TBC1D1: variants seen among roughly 807,000 people sequenced by gnomAD.
TBC1D1 encodes the protein TBC1 domain family member 1, also known as TBC1 (tre-2/USP6, BUB2, cdc16) domain family, member 1.
Under a neutral mutation model 125.6 loss-of-function variants are expected in TBC1D1, and 89 were observed. The ratio of observed to expected loss-of-function variants is 0.71; its 90% CI spans 0.60 to 0.85. TBC1D1 has a LOEUF of 0.85. TBC1D1 is among the 40% of genes least tolerant of loss of function. TBC1D1 has a pLI of 0.00. For missense variants in TBC1D1, 1,377 were observed against 1,469.2 expected, an observed-to-expected ratio of 0.94 and a Z score of 1.03; for synonymous variants, 565 against 564.1, an observed-to-expected ratio of 1.00 and a Z score of -0.02.
intron 2 of TBC1D1, chr4:37,996,114 G>A: frequency 1.0e-5 from 5 of 496,964 alleles, no homozygotes; most frequent in Non-Finnish European, 1.6e-5. Context: ...ATCTGTAGAG[G>A]AATTCCTTGG....
chr4:37,988,722 T>A (rs1052825478), intron 2 of TBC1D1, among the ~76,000 whole-genome samples: 12 of 152,150 alleles, frequency 7.9e-5, no homozygotes, highest in Admixed American at 7.9e-4. Context: ...CACCTGGCAC[T>A]CATTCAAATG....
chr4:38,065,558 A>G (rs1753569350), intron 12 of TBC1D1, among the ~76,000 whole-genome samples: 1 of 152,182 alleles, frequency 6.6e-6, no homozygotes, highest in South Asian at 2.1e-4. Context: ...TATTAATAAT[A>G]GCCATTGTAA....
chr4:38,031,124 G>A (rs755437063), intron 7 of TBC1D1, among the ~76,000 whole-genome samples: 2 of 152,200 alleles, frequency 1.3e-5, no homozygotes, highest in Admixed American at 1.3e-4. Flanking sequence ...GTTACTGGGT[G>A]AATATACTAA....
chr4:38,047,659 A>T (rs925939647), intron 10 of TBC1D1, among the ~76,000 whole-genome samples: 1 of 152,088 alleles, frequency 6.6e-6, no homozygotes, highest in Admixed American at 6.5e-5. Context: ...CATCAAGCAG[A>T]GTGTGGTAGG....
chr4:37,954,390 TAA>T (rs60350507), intron 2 of TBC1D1, among the ~76,000 whole-genome samples: 14,934 of 147,872 alleles, frequency 0.1, 825 homozygotes, highest in African/African-American at 0.14. Context: ...ATTCATTCAG[TAA>T]AAAAAAAAAA....
intron 2 of TBC1D1, among the ~76,000 whole-genome samples, chr4:37,903,766 T>C (rs892314858): frequency 2.6e-5 from 4 of 152,128 alleles, no homozygotes; most frequent in Non-Finnish European, 5.9e-5. Flanking sequence ...TAGCAGAGGC[T>C]TGTAGGAAGG....
At chr4:37,973,873 T>C (rs1732531586) in intron 2 of TBC1D1, among the ~76,000 whole-genome samples, 1 of 152,234 alleles carries the variant, frequency 6.6e-6, no homozygotes, top group South Asian at 2.1e-4. Context: ...ACCAGTCACC[T>C]GGAATTTTGG....
At position 38,049,737 on chromosome 4, in the gene TBC1D1, G is replaced by A. The variant is rs371632898; in HGVS notation, c.1749G>A (p.Pro583=). Reference sequence around the variant, plus strand: ...GTCATCTCCCAGAAGAGCCAGCTCCGCTGTCGCCCCAGCAGGCCTTCAGGA... The same window carrying A: ...GTCATCTCCCAGAAGAGCCAGCTCCACTGTCGCCCCAGCAGGCCTTCAGGA... The change falls in exon 11 of 20, where the codon CCG becomes CCA. Residue 583 remains proline, a synonymous_variant. Transcript: ENST00000261439. 7.9e-5 allele frequency: 128 copies of A among 1,614,120 alleles called. No homozygotes were observed. The East Asian group carries it at 8.2e-4, about 10-fold the overall frequency.
At position 37,960,705 on chromosome 4, in the gene TBC1D1, A is replaced by G. The variant is rs1729836414; in HGVS notation, c.418-53804A>G. On this transcript the variant is annotated intron_variant, in intron 2 of 19. Transcript: ENST00000261439. The stretch of plus-strand genomic sequence containing the variant: ...ACAAAAACAGCCAAGCTTTTCTGCC[A>G]AAAAGATGACCGAGAAGACTGTTAA... The G allele has an allele frequency of 5.6e-6, 9 of 1,614,130 alleles. No homozygotes were observed. The Admixed American group carries it at 1.0e-4, about 18-fold the overall frequency.
At chr4:37,961,206 CTCTT>C in intron 2 of TBC1D1, 1 of 746,864 alleles carries the variant, frequency 1.3e-6, no homozygotes, top group Non-Finnish European at 2.1e-6. Context: ...ACAGCCCGTA[CTCTT>C]TGGGGATATG....
At position 38,127,173 on chromosome 4, in the gene TBC1D1, G is replaced by A. The variant is rs541244488; in HGVS notation, c.3132+2042G>A. 4.6e-5 allele frequency among the ~76,000 whole-genome samples: 7 copies of A among 151,620 alleles called. No homozygotes were observed. The East Asian group carries it at 1.4e-3, about 29-fold the overall frequency. ...ACATTGTTTACCTCCTAAGTATTGA[G>A]CCTCAGAAAAAAATCCCATTGTCTC... On this transcript the variant is annotated intron_variant, in intron 18 of 19. Coordinates refer to ENST00000261439, the MANE Select transcript of TBC1D1 (RefSeq NM_015173.4).
chr4:37,936,037 G>C lies in TBC1D1; in HGVS notation c.417+33525G>C, dbSNP rs1724319118. ...TTCCTAAACTAGGTAAGGTATTCCT[G>C]TCACATGCTCCCATGCACATACCAT... On this transcript the variant is annotated intron_variant, in intron 2 of 19. Transcript: ENST00000261439. Among the ~76,000 whole-genome samples, 3 of 152,138 alleles carry C rather than the reference G, an allele frequency of 2.0e-5. No homozygotes were observed. In the South Asian group the frequency reaches 6.2e-4, roughly 31 times the overall value.
At chr4:38,075,902 T>A (rs1328000426) in intron 12 of TBC1D1, among the ~76,000 whole-genome samples, 1 of 151,920 alleles carries the variant, frequency 6.6e-6, no homozygotes, top group Non-Finnish European at 1.5e-5. Flanking sequence ...TCTCTTTTTG[T>A]TTTTTTTCCC....
At chr4:38,114,086 C>T (rs1762581834) in intron 15 of TBC1D1, among the ~76,000 whole-genome samples, 1 of 152,102 alleles carries the variant, frequency 6.6e-6, no homozygotes, top group Non-Finnish European at 1.5e-5. Context: ...CTAGAGGGGT[C>T]AGAGACCCCA....
intron 12 of TBC1D1, among the ~76,000 whole-genome samples, chr4:38,077,421 T>C (rs532206379): frequency 4.6e-5 from 7 of 152,326 alleles, no homozygotes; most frequent in African/African-American, 1.7e-4. Context: ...GTTTTTGTTA[T>C]CTTTTATTGA....
At chr4:37,894,883 G>T (rs1038062925) in intron 1 of TBC1D1, among the ~76,000 whole-genome samples, 3 of 152,190 alleles carry the variant, frequency 2.0e-5, no homozygotes, top group African/African-American at 7.2e-5. Context: ...AACAACAGAA[G>T]TTTGTAGATA....
At chr4:37,980,435 C>A (rs1393653495) in intron 2 of TBC1D1, among the ~76,000 whole-genome samples, 4 of 152,224 alleles carry the variant, frequency 2.6e-5, no homozygotes, top group African/African-American at 4.8e-5. Context: ...TCCCCAACAA[C>A]CTGTCAGTTT....
chr4:38,045,812 T>A lies in TBC1D1; in HGVS notation c.1543-5T>A. On this transcript the variant is annotated splice_polypyrimidine_tract_variant and splice_region_variant and intron_variant, in intron 9 of 19. Transcript: ENST00000261439. ...TCATAACTCGACTGCCTTTTCTTTATGTAGGGTAATAAAGCCAGAGGCCTG... is the reference window on the plus strand; with the variant it reads ...TCATAACTCGACTGCCTTTTCTTTAAGTAGGGTAATAAAGCCAGAGGCCTG... 6.2e-7 allele frequency: 1 copy of A among 1,613,510 alleles called. No individual in the cohort carries two copies.
intron 2 of TBC1D1, among the ~76,000 whole-genome samples, chr4:38,006,329 G>A (rs1740160133): frequency 6.6e-6 from 1 of 152,078 alleles, no homozygotes; most frequent in Non-Finnish European, 1.5e-5. Flanking sequence ...CATTTAACTG[G>A]ATTAGACTTC....
Sources: allele counts gnomAD v4.1 joint callset (sites outside exome capture counted in the v4.1 genomes callset), GRCh38; gene constraint gnomAD v4.1.1; transcripts MANE v1.5; gene names NCBI Gene and HGNC (gene_info 2026-07-23, HGNC 2026-07-21).